Variants in SORCS3 observed in about 807,000 individuals in gnomAD.
The protein encoded by SORCS3 is sortilin related VPS10 domain containing receptor 3.
SORCS3 carries 57 observed loss-of-function variants against 146.3 expected under a neutral mutation model. The observed-to-expected ratio is 0.39, with a 90% CI of 0.31 to 0.49. SORCS3 has a LOEUF of 0.49. Ranked by LOEUF, SORCS3 falls within the 20% of genes least tolerant of loss-of-function variation. SORCS3 has a pLI of 0.92. For synonymous variants in SORCS3, 653 were observed against 618.5 expected (o/e 1.06, Z -0.83); for missense variants, 1,341 against 1,575.5 (o/e 0.85, Z 2.52).
intron 7 of SORCS3, among the ~76,000 whole-genome samples, chr10:105,122,389 A>G (rs1333124179): frequency 6.6e-6 from 1 of 152,176 alleles, no homozygotes; most frequent in Non-Finnish European, 1.5e-5. Flanking sequence ...CAGACAGAAT[A>G]AGGACTTCTT....
intron 14 of SORCS3, among the ~76,000 whole-genome samples, chr10:105,193,420 G>T (rs376454192): frequency 1.3e-5 from 2 of 152,114 alleles, no homozygotes; most frequent in South Asian, 4.1e-4. Flanking sequence ...TATTTATTAA[G>T]CATCTGTTAT....
chr10:105,113,823 G>A (rs1419400769), intron 7 of SORCS3, among the ~76,000 whole-genome samples: 1 of 152,126 alleles, frequency 6.6e-6, no homozygotes, highest in Non-Finnish European at 1.5e-5. Flanking sequence ...ATCAAAAGAA[G>A]CTAATCCTTC....
At chr10:105,177,120 C>T (rs1263479644) in intron 13 of SORCS3, among the ~76,000 whole-genome samples, 1 of 151,926 alleles carries the variant, frequency 6.6e-6, no homozygotes, top group Non-Finnish European at 1.5e-5. Flanking sequence ...TATTCAAGAT[C>T]AGTTAAGGAG....
chr10:104,817,668 CCCCCT>C (rs1422344396), intron 1 of SORCS3, among the ~76,000 whole-genome samples: 971 of 51,648 alleles, frequency 0.019, 72 homozygotes, highest in African/African-American at 0.062. Flanking sequence ...CCTCCCCCCT[CCCCCT>C]CTTCCCCTTT....
At chr10:104,777,143 T>C (rs1324611531) in intron 1 of SORCS3, among the ~76,000 whole-genome samples, 2 of 152,122 alleles carry the variant, frequency 1.3e-5, no homozygotes, top group Middle Eastern at 3.2e-3. Context: ...CACCTTCTCA[T>C]AGTTGGGAGA....
chr10:105,156,336 G>A lies in SORCS3; in HGVS notation c.1483-802G>A, dbSNP rs949853259. 2.6e-5 allele frequency among the ~76,000 whole-genome samples: 4 copies of A among 152,210 alleles called. No individual in the cohort carries two copies. In the South Asian group the frequency reaches 8.3e-4, roughly 31 times the overall value. Reference sequence around the variant, plus strand: ...ATCTGCTTTCCTTGCCCAGCATATAGAATATAAGGAATAAAAGTTTGAGTA... The same window carrying A: ...ATCTGCTTTCCTTGCCCAGCATATAAAATATAAGGAATAAAAGTTTGAGTA... On this transcript the variant is annotated intron_variant, in intron 9 of 26. Transcript: ENST00000369701.
intron 25 of SORCS3, among the ~76,000 whole-genome samples, chr10:105,260,746 A>T (rs991201436): frequency 1.3e-5 from 2 of 152,182 alleles, no homozygotes; most frequent in African/African-American, 2.4e-5. Context: ...ACTGCTTGGC[A>T]CAAGGACAAC....
intron 4 of SORCS3, among the ~76,000 whole-genome samples, chr10:104,982,692 C>G (rs1564728146): frequency 6.6e-6 from 1 of 152,224 alleles, no homozygotes; most frequent in East Asian, 1.9e-4. Context: ...ACAGGTGTCT[C>G]ATTAGTACAA....
chr10:104,882,586 A>T (rs966954972), intron 2 of SORCS3, among the ~76,000 whole-genome samples: 1 of 152,216 alleles, frequency 6.6e-6, no homozygotes, highest in African/African-American at 2.4e-5. Context: ...TGAGGCCCAC[A>T]GAGAGAGAAA....
intron 4 of SORCS3, among the ~76,000 whole-genome samples, chr10:105,004,540 G>C (rs1041134510): frequency 3.3e-5 from 5 of 152,106 alleles, no homozygotes; most frequent in Non-Finnish European, 7.3e-5. Context: ...GGCAGGATAG[G>C]AAGTGGAGCA....
intron 1 of SORCS3, among the ~76,000 whole-genome samples, chr10:104,747,123 A>G (rs570328682): frequency 1.3e-5 from 2 of 152,330 alleles, no homozygotes; most frequent in African/African-American, 2.4e-5. Flanking sequence ...AATGATGCCA[A>G]TTCCAGAGAA....
chr10:104,797,992 T>A (rs2017577378), intron 1 of SORCS3, among the ~76,000 whole-genome samples: 1 of 152,196 alleles, frequency 6.6e-6, no homozygotes, highest in South Asian at 2.1e-4. Flanking sequence ...AGAAGTGTTG[T>A]TAGTCATCAG....
chr10:104,992,640 C>T (rs1187222947), intron 4 of SORCS3, among the ~76,000 whole-genome samples: 1 of 152,184 alleles, frequency 6.6e-6, no homozygotes, highest in Non-Finnish European at 1.5e-5. Flanking sequence ...TTTTTAAGCA[C>T]TCCATTCACT....
chr10:104,662,819 A>G (rs2015719754), intron 1 of SORCS3, among the ~76,000 whole-genome samples: 2 of 152,230 alleles, frequency 1.3e-5, no homozygotes, highest in South Asian at 2.1e-4. Context: ...TCACACAGGC[A>G]TTGCATAGCC....
chr10:105,022,290 T>G (rs1255878650), intron 4 of SORCS3, among the ~76,000 whole-genome samples: 7 of 142,020 alleles, frequency 4.9e-5, no homozygotes, highest in Non-Finnish European at 9.0e-5. Flanking sequence ...CCATTCATTT[T>G]TCTTTTCTTT....
chr10:105,214,390 G>GCAA, intron 17 of SORCS3, 52 bp from the exon 18 acceptor site: 1 of 1,468,570 alleles, frequency 6.8e-7, no homozygotes, highest in Admixed American at 1.8e-5. Context: ...ACATACAACA[G>GCAA]CAACAACAAC....
intron 1 of SORCS3, among the ~76,000 whole-genome samples, chr10:104,655,211 T>G (rs2015612526): frequency 6.8e-6 from 1 of 147,848 alleles, no homozygotes; most frequent in Non-Finnish European, 1.5e-5. Flanking sequence ...AGAGATCACA[T>G]CACTGCACTC....
chr10:104,844,039 C>T (rs1169619731), intron 2 of SORCS3, among the ~76,000 whole-genome samples: 1 of 152,166 alleles, frequency 6.6e-6, no homozygotes, highest in Non-Finnish European at 1.5e-5. Context: ...AACTAGGCAG[C>T]TTCTCTCCAG....
At chr10:104,960,243 G>C (rs1228522771) in intron 3 of SORCS3, among the ~76,000 whole-genome samples, 1 of 152,132 alleles carries the variant, frequency 6.6e-6, no homozygotes, top group African/African-American at 2.4e-5. Flanking sequence ...TTACTCCCAA[G>C]ATTGTTTTCC....
Sources: allele counts gnomAD v4.1 joint callset (sites outside exome capture counted in the v4.1 genomes callset), GRCh38; gene constraint gnomAD v4.1.1; transcripts MANE v1.5; gene names NCBI Gene and HGNC (gene_info 2026-07-23, HGNC 2026-07-21).